The following IQSEC1 variants were observed in gnomAD, a reference collection of about 807,000 sequenced individuals.
IQSEC1 encodes IQ motif and SEC7 domain-containing protein 1.
A neutral mutation model predicts 91.0 loss-of-function variants in IQSEC1; 31 were observed. The ratio of observed to expected loss-of-function variants is 0.34; its 90% CI spans 0.26 to 0.46. IQSEC1 has a LOEUF of 0.46. Ranked by LOEUF, IQSEC1 falls within the 20% of genes least tolerant of loss-of-function variation. The pLI is 1.00. For missense variants in IQSEC1, 1,388 were observed against 1,575.6 expected (o/e 0.88, Z 2.02); for synonymous variants, 699 against 662.6 (o/e 1.05, Z -0.84).
chr3:13,215,002 A>G (rs1694517163), intron 1 of IQSEC1, among the ~76,000 whole-genome samples: 1 of 152,168 alleles, frequency 6.6e-6, no homozygotes, highest in Non-Finnish European at 1.5e-5. Flanking sequence ...GACATGGTTC[A>G]GGGCTGGCAG....
chr3:13,231,405 A>G (rs1015225790), intron 1 of IQSEC1, among the ~76,000 whole-genome samples: 1 of 152,216 alleles, frequency 6.6e-6, no homozygotes, highest in African/African-American at 2.4e-5. Flanking sequence ...TGGGAAGTCC[A>G]GATCAGGGTG....
intron 1 of IQSEC1, among the ~76,000 whole-genome samples, chr3:13,210,269 C>T (rs972511643): frequency 2.0e-4 from 31 of 152,072 alleles, no homozygotes; most frequent in Admixed American, 1.0e-3. Flanking sequence ...GTAGAATGAA[C>T]GCCAAGTGCC....
At position 13,271,122 on chromosome 3, in the gene IQSEC1, A is replaced by G. The variant is rs112398309; in HGVS notation, c.272+11589T>C. ...GCTGGGCGTGGTGGCTCATGCCTGT[A>G]ATCCCAGCACTTTGGGAGGCTGAGG... On this transcript the variant is annotated intron_variant, in intron 1 of 15. Transcript: ENST00000648114. Among the ~76,000 whole-genome samples, 1,120 of 152,358 alleles carry G rather than the reference A, an allele frequency of 7.4e-3. 11 individuals carry two copies. Among genetic ancestry groups the G allele is most frequent in the African/African-American group, 0.026 (1,064 of 41,574 alleles).
At chr3:12,959,914 C>T (rs139895665) in intron 1 of IQSEC1, among the ~76,000 whole-genome samples, 26 of 152,072 alleles carry the variant, frequency 1.7e-4, no homozygotes, top group African/African-American at 4.4e-4. Context: ...TTACGAAGCA[C>T]AAACAAAAAA....
chr3:12,899,787 A>C lies in IQSEC1; in HGVS notation c.*1196T>G. 1 of 985,244 alleles carries C rather than the reference A, an allele frequency of 1.0e-6. No homozygotes were observed. The highest frequency in any genetic ancestry group is 1.2e-6 in the Non-Finnish European group (1 of 829,894). 61.0% of individuals were successfully genotyped at this position (985,244 alleles called of 1,614,324 possible). A position where few individuals can be genotyped will look rare whatever the true frequency, so the allele number is the denominator to read the frequency against. On this transcript the variant is annotated 3_prime_UTR_variant, in exon 14 of 14. Coordinates refer to ENST00000613206, the MANE Select transcript of IQSEC1 (RefSeq NM_001134382.3). ...AGGTTCGAGAGTGGTTCCTGATGAA[A>C]ACACTCTCTGAGGGCTTCGGCCTGG...
At chr3:13,240,559 C>A (rs530430636) in intron 1 of IQSEC1, among the ~76,000 whole-genome samples, 1 of 152,032 alleles carries the variant, frequency 6.6e-6, no homozygotes, top group Non-Finnish European at 1.5e-5. Context: ...AAGGGGTGGG[C>A]GCCAGTTGGT....
Position 12,936,010 on chromosome 3 carries a change from C to G in IQSEC1, c.1006G>C (p.Glu336Gln), listed in dbSNP as rs1404049674. The G allele has an allele frequency of 2.5e-6, 4 of 1,600,860 alleles. No individual in the cohort carries two copies. Among genetic ancestry groups the G allele is most frequent in the Non-Finnish European group, 3.4e-6 (4 of 1,179,786 alleles). ...CTCGTGTCCGTGTCAGCCTTGTCCT[C>G]TTTGTGGGCCAGGGCCCAGTAGTCT... ...APDYWALAHK[E>Q]DKADTDTSCR... Residue 336 changes from glutamate to glutamine, a missense_variant, in exon 3 of 14, where the codon GAG (glutamate) becomes CAG (glutamine). Glu to Gln is a conservative substitution (Grantham distance 29, BLOSUM62 2). Transcript: ENST00000613206.
At chr3:13,255,211 G>A (rs1695264999) in intron 1 of IQSEC1, among the ~76,000 whole-genome samples, 1 of 152,244 alleles carries the variant, frequency 6.6e-6, no homozygotes, top group East Asian at 1.9e-4. Flanking sequence ...GCCCAAGGGA[G>A]GGGAGCCACT....
chr3:12,967,314 G>A lies in IQSEC1; in HGVS notation c.24-25449C>T. 2.2e-6 allele frequency: 3 copies of A among 1,338,326 alleles called. No homozygotes were observed. Among genetic ancestry groups the A allele is most frequent in the Non-Finnish European group, 3.1e-6 (3 of 982,372 alleles). The allele number at this position is 1,338,326 out of a possible 1,614,324, so 82.9% of individuals were successfully genotyped here. On this transcript the variant is annotated intron_variant, in intron 1 of 13. Transcript: ENST00000613206. The surrounding 1 kb of genome is among the most constrained non-coding windows in gnomAD (Gnocchi z 5.9). ...CGACGGTCACCCGCACTCCCGCACA[G>A]GCATCCCCACAGCCTGCGCCAGCCC...
chr3:13,144,250 C>A (rs1017810058), intron 2 of IQSEC1, among the ~76,000 whole-genome samples: 1 of 152,176 alleles, frequency 6.6e-6, no homozygotes, highest in Non-Finnish European at 1.5e-5. Flanking sequence ...AGACCACGGC[C>A]GGCGAGCATG....
chr3:13,067,049 G>A (rs1369022911), intron 1 of IQSEC1, among the ~76,000 whole-genome samples: 2 of 152,236 alleles, frequency 1.3e-5, no homozygotes, highest in Non-Finnish European at 2.9e-5. Context: ...GAGGCCCAGA[G>A]AGGGCAAGCA....
At chr3:13,254,893 G>T (rs1695259703) in intron 1 of IQSEC1, among the ~76,000 whole-genome samples, 1 of 152,132 alleles carries the variant, frequency 6.6e-6, no homozygotes, top group South Asian at 2.1e-4. Flanking sequence ...TGCGACCCGG[G>T]GCCTCCATGC....
chr3:13,084,267 G>C (rs1338221717), intron 2 of IQSEC1, among the ~76,000 whole-genome samples: 2 of 152,108 alleles, frequency 1.3e-5, no homozygotes, highest in Admixed American at 1.3e-4. Context: ...CCAGCCCAAG[G>C]AACGGGCATC....
At chr3:13,082,981 G>T (rs1705670400) in intron 2 of IQSEC1, among the ~76,000 whole-genome samples, 1 of 152,206 alleles carries the variant, frequency 6.6e-6, no homozygotes, top group African/African-American at 2.4e-5. Flanking sequence ...GCACGGCAGA[G>T]TGTCTATTCC....
chr3:13,113,365 G>A (rs1706282462), intron 2 of IQSEC1, among the ~76,000 whole-genome samples: 1 of 152,242 alleles, frequency 6.6e-6, no homozygotes, highest in African/African-American at 2.4e-5. Flanking sequence ...TTACTGCTGT[G>A]TGATATTGGC....
In IQSEC1 at chr3:12,900,200, CAGTT is replaced by C. The variant is rs999326135; in HGVS notation, c.*779_*782del. Reference sequence around the variant, plus strand: ...ACAAAGCAATACTGGACTTTTTAAACAGTTAGATGCTATGTTACTTGGCACAGTT... The same window carrying C: ...ACAAAGCAATACTGGACTTTTTAAACAGATGCTATGTTACTTGGCACAGTT... On this transcript the variant is annotated 3_prime_UTR_variant, in exon 14 of 14. Transcript: ENST00000613206. 6.2e-5 allele frequency: 61 copies of C among 979,002 alleles called. No individual in the cohort carries two copies. Among genetic ancestry groups the C allele is most frequent in the Middle Eastern group, 5.2e-4 (1 of 1,926 alleles). The allele number at this position is 979,002 out of a possible 1,614,324, so 60.6% of individuals were successfully genotyped here. A position where few individuals can be genotyped will look rare whatever the true frequency, so the allele number is the denominator to read the frequency against.
chr3:13,238,699 C>T (rs1314155581), intron 1 of IQSEC1, among the ~76,000 whole-genome samples: 1 of 152,142 alleles, frequency 6.6e-6, no homozygotes, highest in East Asian at 1.9e-4. Flanking sequence ...CTGCTCCCTG[C>T]CGTGCCATGC....
chr3:13,127,629 C>T (rs1706539489), intron 2 of IQSEC1, among the ~76,000 whole-genome samples: 1 of 151,948 alleles, frequency 6.6e-6, no homozygotes, highest in African/African-American at 2.4e-5. Flanking sequence ...TTTCTGGATA[C>T]ATCTTGTAAT....
chr3:12,930,261 G>A (rs780790693), intron 3 of IQSEC1, among the ~76,000 whole-genome samples: 16 of 152,136 alleles, frequency 1.1e-4, no homozygotes, highest in Non-Finnish European at 1.8e-4. Context: ...TGATCCTCCC[G>A]CCTCAGCCTC....
Sources: allele counts gnomAD v4.1 joint callset (sites outside exome capture counted in the v4.1 genomes callset), GRCh38; gene constraint gnomAD v4.1.1; non-coding constraint Gnocchi (gnomAD v3.1); transcripts MANE v1.5; gene names NCBI Gene and HGNC (gene_info 2026-07-23, HGNC 2026-07-21).